The following LRRC37A2 variants were observed in gnomAD, a reference collection of about 807,000 sequenced individuals.
The protein encoded by LRRC37A2 is leucine-rich repeat-containing protein 37A2.
A neutral mutation model predicts 68.8 loss-of-function variants in LRRC37A2; 9 were observed. The observed-to-expected ratio is 0.13, with a 90% CI of 0.08 to 0.23. The LOEUF is 0.23. LRRC37A2 is among the 10% of genes least tolerant of loss of function. The probability of loss-of-function intolerance (pLI) is 1.00; values close to 1 mark genes in which losing one functional copy is unlikely to be tolerated. For synonymous variants in LRRC37A2, 63 were observed against 367.6 expected, an observed-to-expected ratio of 0.17 and a Z score of 9.48; for missense variants, 168 against 950.4, an observed-to-expected ratio of 0.18 and a Z score of 10.82.
the LRRC37A2 span, among the ~76,000 whole-genome samples, chr17:46,773,424 C>T: frequency 6.6e-6 from 1 of 152,140 alleles, no homozygotes; most frequent in South Asian, 2.1e-4. Context: ...TGTGCAAAAG[C>T]CAGGAAGGAA....
the LRRC37A2 span, chr17:46,876,286 C>T: frequency 1.2e-5 from 19 of 1,613,522 alleles, no homozygotes; most frequent in African/African-American, 6.7e-5. Context: ...AGTGCCATGG[C>T]GTATCAGGCT....
At chr17:46,795,441 G>A in the LRRC37A2 span, among the ~76,000 whole-genome samples, 4 of 152,192 alleles carry the variant, frequency 2.6e-5, no homozygotes, top group East Asian at 1.9e-4. Context: ...AAGACCAGCC[G>A]GCCCGTGGGC....
chr17:47,031,140 C>A, the LRRC37A2 span, among the ~76,000 whole-genome samples: 7 of 149,182 alleles, frequency 4.7e-5, no homozygotes, highest in Non-Finnish European at 3.0e-5. Context: ...ACTGACTGGC[C>A]AAATTAGCAG....
chr17:46,739,314 C>G, the LRRC37A2 span, among the ~76,000 whole-genome samples: 2 of 137,652 alleles, frequency 1.5e-5, no homozygotes, highest in Admixed American at 8.3e-5. Flanking sequence ...GAGGTTGCAG[C>G]GAGCCGAGAT....
At chr17:47,000,035 A>AAAT in the LRRC37A2 span, among the ~76,000 whole-genome samples, 7 of 28,304 alleles carry the variant, frequency 2.5e-4, no homozygotes, top group African/African-American at 5.5e-4. Context: ...AAATAAAATA[A>AAAT]AATAAAATAA....
At chr17:46,905,780 T>TGTGTGTGTG in the LRRC37A2 span, among the ~76,000 whole-genome samples, 13 of 116,962 alleles carry the variant, frequency 1.1e-4, no homozygotes, top group Admixed American at 6.0e-4. Flanking sequence ...CTCTGTGTGT[T>TGTGTGTGTG]TGTGTGTGTG....
the LRRC37A2 span, among the ~76,000 whole-genome samples, chr17:46,642,310 T>A: frequency 1.8e-5 from 2 of 110,124 alleles, 1 homozygote; most frequent in African/African-American, 6.7e-5. Flanking sequence ...CCTCAAATAT[T>A]TAGCATTTCT....
the LRRC37A2 span, among the ~76,000 whole-genome samples, chr17:46,895,562 A>C: frequency 6.6e-6 from 1 of 152,142 alleles, no homozygotes; most frequent in African/African-American, 2.4e-5. Flanking sequence ...CATTGTCACT[A>C]TTTGGTTCTC....
the LRRC37A2 span, among the ~76,000 whole-genome samples, chr17:46,894,084 GC>G: frequency 6.6e-6 from 1 of 152,148 alleles, no homozygotes; most frequent in Non-Finnish European, 1.5e-5. Context: ...CTTAGGTGCC[GC>G]CCTGATTGCA....
At chr17:46,772,790 C>T in the LRRC37A2 span, among the ~76,000 whole-genome samples, 1 of 151,886 alleles carries the variant, frequency 6.6e-6, no homozygotes, top group African/African-American at 2.4e-5. Context: ...AGCACCCCAC[C>T]CCTTCACCTG....
chr17:46,817,747 G>A, the LRRC37A2 span, among the ~76,000 whole-genome samples: 3 of 151,970 alleles, frequency 2.0e-5, no homozygotes, highest in Admixed American at 6.6e-5. Context: ...CTCGGTCCTC[G>A]GTTTTCCAAA....
chr17:46,422,850 AAAT>A, the LRRC37A2 span, among the ~76,000 whole-genome samples: 2 of 111,202 alleles, frequency 1.8e-5, no homozygotes, highest in Non-Finnish European at 4.2e-5. Context: ...TATTGTAAAT[AAAT>A]AATAAGAAAC....
the LRRC37A2 span, among the ~76,000 whole-genome samples, chr17:46,855,566 GAA>G: frequency 6.6e-6 from 1 of 152,218 alleles, no homozygotes; most frequent in East Asian, 1.9e-4. Flanking sequence ...TAGGATTGCT[GAA>G]GAGTTTTTAT....
the LRRC37A2 span, among the ~76,000 whole-genome samples, chr17:46,917,954 G>A: frequency 6.6e-6 from 1 of 152,298 alleles, no homozygotes; most frequent in African/African-American, 2.4e-5. Context: ...ACACTGTAAA[G>A]AATATTCACA....
chr17:46,956,277 C>CT, the LRRC37A2 span, among the ~76,000 whole-genome samples: 145 of 62,654 alleles, frequency 2.3e-3, 7 homozygotes, highest in African/African-American at 7.9e-3. Flanking sequence ...CTTGCCAGTC[C>CT]TTTTTTTTTT....
the LRRC37A2 span, among the ~76,000 whole-genome samples, chr17:46,881,840 CACTT>C: frequency 1.3e-5 from 2 of 152,216 alleles, no homozygotes; most frequent in Non-Finnish European, 2.9e-5. Context: ...GACACCAAGA[CACTT>C]ACATACTTTA....
chr17:46,585,153 T>G, the LRRC37A2 span, among the ~76,000 whole-genome samples: 9 of 137,440 alleles, frequency 6.5e-5, no homozygotes, highest in Non-Finnish European at 1.2e-4. Flanking sequence ...AAAATAAACA[T>G]TAAAAATAAA....
the LRRC37A2 span, chr17:46,938,912 C>A: frequency 3.3e-5 from 50 of 1,523,744 alleles, no homozygotes; most frequent in Non-Finnish European, 4.4e-5. Flanking sequence ...TAATTTCCAA[C>A]CTGCTCTGTT....
the LRRC37A2 span, among the ~76,000 whole-genome samples, chr17:46,890,449 G>T: frequency 0.032 from 4,941 of 152,188 alleles, 90 homozygotes; most frequent in Middle Eastern, 0.065. Context: ...AGGAGCTCAG[G>T]CCCCGAGACC....
Sources: gnomAD v4.1 joint callset for allele counts (sites outside exome capture counted in the v4.1 genomes callset) on GRCh38, gnomAD v4.1.1 for gene constraint, MANE v1.5 for transcripts, NCBI Gene and HGNC (gene_info 2026-07-23, HGNC 2026-07-21) for gene names.